SYNM: variants seen among roughly 807,000 people sequenced by gnomAD.
SYNM encodes the protein synemin, also known as desmuslin.
SYNM carries 95 observed loss-of-function variants against 104.0 expected under a neutral mutation model. The ratio of observed to expected loss-of-function variants is 0.91; its 90% CI spans 0.77 to 1.08. SYNM has a LOEUF of 1.08. Among genes scored for constraint, SYNM ranks in the 50% least tolerant of loss-of-function variants. The probability of loss-of-function intolerance (pLI) is 0.00; values close to 1 mark genes in which losing one functional copy is unlikely to be tolerated. For synonymous variants in SYNM, 918 were observed against 869.0 expected, an observed-to-expected ratio of 1.06 and a Z score of -0.99; for missense variants, 2,150 against 2,052.2, an observed-to-expected ratio of 1.05 and a Z score of -0.92.
chr15:99,109,035 A>T (rs781947933), intron 1 of SYNM, among the ~76,000 whole-genome samples: 6 of 152,040 alleles, frequency 3.9e-5, no homozygotes, highest in Non-Finnish European at 8.8e-5. Flanking sequence ...CAGGAGCTGG[A>T]GGCAGCAGAG....
intron 1 of SYNM, 145 bp from the exon 2 acceptor site, chr15:99,113,446 C>T: frequency 2.0e-6 from 2 of 1,004,762 alleles, no homozygotes; most frequent in Non-Finnish European, 2.9e-6. Context: ...CTGCAAGTGA[C>T]TGCATGTTTA....
At chr15:99,115,703 C>T (rs932416082) in intron 2 of SYNM, among the ~76,000 whole-genome samples, 11 of 152,076 alleles carry the variant, frequency 7.2e-5, no homozygotes, top group African/African-American at 2.7e-4. Context: ...CTCAGGTGAT[C>T]CACCCACCTC....
rs1555485918 is a variant in SYNM at position 99,131,552 on chromosome 15, C to T, written c.3192C>T (p.Arg1064=). The T allele has an allele frequency of 6.2e-7, 1 of 1,609,140 alleles. No homozygotes were observed. Among genetic ancestry groups the T allele is most frequent in the African/African-American group, 1.3e-5 (1 of 75,058 alleles). Residue 1064 remains arginine (R), a synonymous_variant, in exon 4 of 4, where the codon CGC becomes CGT. Transcript: ENST00000336292. This position sits in a 1 kb window ranked among gnomAD's most constrained non-coding sequence, Gnocchi z 4.3. ...GGAEAPAAGI[R]FRRWATRELY... ...CGGAGGCCCCGGCTGCTGGCATTCG[C>T]TTTAGGCGTTGGGCCACCCGGGAGC...
At chr15:99,129,309 G>C in intron 3 of SYNM, 58 bp from the exon 4 acceptor site, 1 of 1,581,110 alleles carries the variant, frequency 6.3e-7, no homozygotes, top group Non-Finnish European at 8.6e-7. Flanking sequence ...AATGCTTGTA[G>C]ATGGAAAAGG....
rs74800524 is a variant in SYNM, at chr15:99,116,378, G to A, written c.935+2663G>A. On this transcript the variant is annotated intron_variant, in intron 2 of 3. Transcript: ENST00000336292. ...AATCAGGAATTTTTCATTTGTGAGT[G>A]ACAGAAACTCTCCTCAGACTGCCCC... Among the ~76,000 whole-genome samples the A allele has an allele frequency of 5.3e-4, 80 of 152,304 alleles. 6 individuals carry two copies. The East Asian group carries it at 0.015, about 29-fold the overall frequency.
At position 99,132,792 on chromosome 15, in the gene SYNM, GAAGC is replaced by G; in HGVS notation, c.4433_4436del (p.Glu1478GlyfsTer25). On this transcript the variant is annotated frameshift_variant, in exon 4 of 4. Coordinates refer to ENST00000336292, the MANE Select transcript of SYNM (RefSeq NM_145728.3). LOFTEE classifies it high-confidence loss of function. ...AGAGGCGATCCGCAGCCGGACACAG[GAAGC>G]GGGAGCTCTCGGTGTGTCTGACCGT... 1 of 1,614,016 alleles carries G rather than the reference GAAGC, an allele frequency of 6.2e-7. No individual in the cohort carries two copies. Among genetic ancestry groups the G allele is most frequent in the African/African-American group, 1.3e-5 (1 of 75,042 alleles).
downstream of SYNM, chr15:99,139,753 G>T (rs1418349656): frequency 2.9e-5 from 38 of 1,317,432 alleles, no homozygotes; most frequent in Non-Finnish European, 3.4e-5. Flanking sequence ...GCCTGGAAAA[G>T]ATTTAAAAAA....
rs782166143 is a variant in SYNM at position 99,106,010 on chromosome 15, G to A, written c.810+1G>A. The A allele has an allele frequency of 2.8e-6, 4 of 1,452,176 alleles. No individual in the cohort carries two copies. The highest frequency in any genetic ancestry group is 1.4e-5 in the South Asian group (1 of 71,186). 90.0% of individuals were successfully genotyped at this position (1,452,176 alleles called of 1,614,324 possible). A position where few individuals can be genotyped will look rare whatever the true frequency, so the allele number is the denominator to read the frequency against. ...CGGGATACAGGCCGAGGAGCGGCAG[G>A]TCCGTGCGCGGGGATGGCGCGCTGA... is the stretch of plus-strand genomic sequence containing the variant. On this transcript the variant is annotated splice_donor_variant, in intron 1 of 3. Transcript: ENST00000336292. LOFTEE classifies it high-confidence loss of function.
chr15:99,116,269 G>A (rs1555483922), intron 2 of SYNM, among the ~76,000 whole-genome samples: 5 of 152,236 alleles, frequency 3.3e-5, no homozygotes, highest in Non-Finnish European at 7.3e-5. Context: ...GTAGGGCATT[G>A]AAACACACGT....
chr15:99,122,778 G>A (rs2067412896), intron 2 of SYNM, among the ~76,000 whole-genome samples: 1 of 152,204 alleles, frequency 6.6e-6, no homozygotes, highest in Non-Finnish European at 1.5e-5. Flanking sequence ...GGCAGAGATT[G>A]CCGTGAGCTG....
rs1344318648 is a variant in SYNM, at chr15:99,105,437, C to T, written c.238C>T (p.Leu80=). ...QLDELSWATA[L]AEGERDALRR... ...GGACGAGCTGAGCTGGGCCACTGCG[C>T]TGGCGGAGGGCGAGCGGGACGCTCT... Residue 80 remains leucine (L), a synonymous_variant, in exon 1 of 4, where the codon CTG becomes TTG. Coordinates refer to ENST00000336292, the MANE Select transcript of SYNM (RefSeq NM_145728.3). 1.4e-6 allele frequency: 2 copies of T among 1,461,328 alleles called. No homozygotes were observed. The highest frequency in any genetic ancestry group is 1.5e-5 in the African/African-American group (1 of 67,346). 90.5% of individuals were successfully genotyped at this position (1,461,328 alleles called of 1,614,324 possible).
intron 1 of SYNM, 96 bp downstream of exon 1, chr15:99,106,105 G>GTCATACCCCATACC (rs2067239960): frequency 7.8e-7 from 1 of 1,289,314 alleles, no homozygotes; most frequent in African/African-American, 1.6e-5. Context: ...CTTCACCAGG[G>GTCATACCCCATACC]GCGCGGCGTC....
In SYNM at chr15:99,132,590, AACGGAAACCTCTGAAC is replaced by A; in HGVS notation, c.4233_4248del (p.Glu1412LeufsTer22). The A allele has an allele frequency of 6.2e-7, 1 of 1,614,012 alleles. No homozygotes were observed. Among genetic ancestry groups the A allele is most frequent in the Admixed American group, 1.7e-5 (1 of 60,028 alleles). ...GGCACATTCGACTAGGTCCTACAGA[AACGGAAACCTCTGAAC>A]ACATTGCCATCCGTGGACCCGTGTC... On this transcript the variant is annotated frameshift_variant, in exon 4 of 4. Transcript: ENST00000336292. LOFTEE classifies it high-confidence loss of function.
At position 99,105,616 on chromosome 15, in the gene SYNM, C is replaced by T. The variant is rs2067227402; in HGVS notation, c.417C>T (p.Ala139=). 1.6e-6 allele frequency: 2 copies of T among 1,278,768 alleles called. No homozygotes were observed. Among genetic ancestry groups the T allele is most frequent in the Non-Finnish European group, 9.9e-7 (1 of 1,012,774 alleles). The allele number at this position is 1,278,768 out of a possible 1,614,324, so 79.2% of individuals were successfully genotyped here. The change falls in exon 1 of 4, where the codon GCC becomes GCT. Residue 139 remains alanine (A), a synonymous_variant. Coordinates refer to ENST00000336292, the MANE Select transcript of SYNM (RefSeq NM_145728.3). ...AGGCGCTGCTGGGCCGGCTGCAGGC[C>T]GAGCGCCGAGGCCTCGACGCGGCCC... is the stretch of plus-strand genomic sequence containing the variant. The part of the protein sequence containing the change: ...ALEALLGRLQ[A]ERRGLDAAHE...
chr15:99,112,110 G>T (rs1191121177), intron 1 of SYNM, among the ~76,000 whole-genome samples: 4 of 152,146 alleles, frequency 2.6e-5, no homozygotes, highest in Admixed American at 6.6e-5. Context: ...TTCATTCCTT[G>T]GTTTCACAGA....
chr15:99,127,955 C>T (rs537694935), intron 3 of SYNM, among the ~76,000 whole-genome samples: 6 of 152,202 alleles, frequency 3.9e-5, no homozygotes, highest in South Asian at 2.1e-4. Context: ...ATTTTGGGGC[C>T]GAGGGAGAGC....
In SYNM at chr15:99,132,250, AC is replaced by A. The variant is rs2067517951; in HGVS notation, c.3891del (p.His1297GlnfsTer28). On this transcript the variant is annotated frameshift_variant, in exon 4 of 4. Coordinates refer to ENST00000336292, the MANE Select transcript of SYNM (RefSeq NM_145728.3). LOFTEE classifies it high-confidence loss of function. Reference sequence around the variant, plus strand: ...TTGGGTGTCATAGGAGATTCTGTACACATGGAAGGGTTGCCAGGGAGCAGCA... The same window carrying A: ...TTGGGTGTCATAGGAGATTCTGTACAATGGAAGGGTTGCCAGGGAGCAGCA... Reference protein sequence around the residue: ...VELGVIGDSVHMEGLPGSSTS... With the variant: ...VELGVIGDSVXMEGLPGSSTS... 6.2e-7 allele frequency: 1 copy of A among 1,609,310 alleles called. No individual in the cohort carries two copies. The highest frequency in any genetic ancestry group is 1.3e-5 in the African/African-American group (1 of 74,750).
intron 3 of SYNM, chr15:99,129,166 T>A: frequency 1.5e-6 from 1 of 678,968 alleles, no homozygotes; most frequent in Non-Finnish European, 2.4e-6. Context: ...TTTGTAGTGC[T>A]ACATTTTATT....
Position 99,105,267 on chromosome 15 carries a change from A to G in SYNM, c.68A>G (p.Tyr23Cys), listed in dbSNP as rs782653394. ...AELQELNARL[Y>C]DYVCRVRELE... Reference sequence around the variant, plus strand: ...CTCCAGGAGCTCAACGCCCGGCTCTATGACTACGTGTGTCGGGTGCGGGAG... The same window carrying G: ...CTCCAGGAGCTCAACGCCCGGCTCTGTGACTACGTGTGTCGGGTGCGGGAG... The change falls in exon 1 of 4, where the codon TAT (tyrosine) becomes TGT (cysteine). Residue 23 changes from tyrosine to cysteine, a missense_variant. Tyr to Cys is a radical substitution (Grantham distance 194). Transcript: ENST00000336292. 133 of 1,563,454 alleles carry G rather than the reference A, an allele frequency of 8.5e-5. 5 individuals carry two copies. The South Asian group carries it at 1.4e-3, about 16-fold the overall frequency.
Sources: gnomAD v4.1 joint callset for allele counts (sites outside exome capture counted in the v4.1 genomes callset) on GRCh38, gnomAD v4.1.1 for gene constraint, Gnocchi (gnomAD v3.1) non-coding constraint, MANE v1.5 for transcripts, NCBI Gene and HGNC (gene_info 2026-07-23, HGNC 2026-07-21) for gene names.